The following PRRX1 variants were observed in gnomAD, a reference collection of about 807,000 sequenced individuals.
The protein encoded by PRRX1 is paired mesoderm homeobox protein 1.
PRRX1 carries 8 observed loss-of-function variants against 24.0 expected under a neutral mutation model. That is an observed-to-expected ratio of 0.33 (90% confidence interval 0.20 to 0.60). The LOEUF is 0.60. Among genes scored for constraint, PRRX1 ranks in the 20% least tolerant of loss-of-function variants. PRRX1 has a pLI of 0.82. For missense variants in PRRX1, 281 were observed against 322.4 expected (o/e 0.87, Z 0.98); for synonymous variants, 160 against 131.7 (o/e 1.22, Z -1.47).
chr1:170,704,004 A>C (rs1055539132), intron 1 of PRRX1, among the ~76,000 whole-genome samples: 15 of 152,186 alleles, frequency 9.9e-5, no homozygotes, highest in Non-Finnish European at 1.5e-5. Context: ...CAAAAATAAA[A>C]ATTTTAATTA....
At chr1:170,689,849 T>A (rs1220571019) in intron 1 of PRRX1, among the ~76,000 whole-genome samples, 4 of 146,098 alleles carry the variant, frequency 2.7e-5, no homozygotes, top group African/African-American at 1.1e-4. Flanking sequence ...CCTCTCTCTC[T>A]CTCTCTCTCT....
intron 1 of PRRX1, among the ~76,000 whole-genome samples, chr1:170,693,790 G>T (rs942967022): frequency 2.0e-5 from 3 of 152,014 alleles, no homozygotes; most frequent in African/African-American, 7.2e-5. Context: ...ACACAAGATC[G>T]AGGGACATTT....
chr1:170,706,639 G>C (rs557502981), intron 1 of PRRX1, among the ~76,000 whole-genome samples: 13 of 152,250 alleles, frequency 8.5e-5, no homozygotes, highest in Admixed American at 7.9e-4. Flanking sequence ...TGAAAATGTG[G>C]GAAAGAGTAT....
chr1:170,718,366 T>C (rs1654971264), intron 1 of PRRX1, among the ~76,000 whole-genome samples: 1 of 152,232 alleles, frequency 6.6e-6, no homozygotes, highest in African/African-American at 2.4e-5. Context: ...ATTTTGACTC[T>C]GTACACAAAT....
At chr1:170,719,353 A>G (rs1655009691) in intron 1 of PRRX1, among the ~76,000 whole-genome samples, 1 of 152,244 alleles carries the variant, frequency 6.6e-6, no homozygotes, top group Admixed American at 6.5e-5. Flanking sequence ...ATATTGTCAA[A>G]GACAAATAAG....
intron 1 of PRRX1, among the ~76,000 whole-genome samples, chr1:170,684,941 C>A (rs1281946773): frequency 6.6e-6 from 1 of 152,056 alleles, no homozygotes; most frequent in Non-Finnish European, 1.5e-5. Flanking sequence ...TAGAGTTATG[C>A]CATTGATTAG....
chr1:170,699,655 G>C (rs1304685310), intron 1 of PRRX1, among the ~76,000 whole-genome samples: 2 of 152,150 alleles, frequency 1.3e-5, no homozygotes, highest in Admixed American at 1.3e-4. Context: ...GGCTTGCTTG[G>C]ATGTAAACTG....
chr1:170,698,644 A>G (rs959100135), intron 1 of PRRX1, among the ~76,000 whole-genome samples: 1 of 152,174 alleles, frequency 6.6e-6, no homozygotes, highest in Non-Finnish European at 1.5e-5. Flanking sequence ...TCTATCTAGT[A>G]ATTTCCATTT....
intron 3 of PRRX1, among the ~76,000 whole-genome samples, chr1:170,733,487 C>A (rs1655504929): frequency 6.6e-6 from 1 of 152,142 alleles, no homozygotes; most frequent in Non-Finnish European, 1.5e-5. Flanking sequence ...TGACAATCTA[C>A]AATTTGGGAT....
intron 2 of PRRX1, among the ~76,000 whole-genome samples, chr1:170,720,890 G>T (rs879653399): frequency 1.3e-5 from 2 of 152,116 alleles, no homozygotes; most frequent in Non-Finnish European, 2.9e-5. Flanking sequence ...ATAACAATAC[G>T]TAATACTAAC....
At chr1:170,710,003 T>A (rs1312507392) in intron 1 of PRRX1, among the ~76,000 whole-genome samples, 1 of 152,220 alleles carries the variant, frequency 6.6e-6, no homozygotes, top group Non-Finnish European at 1.5e-5. Context: ...TTCTTCTTTC[T>A]CTAGACTGTG....
intron 1 of PRRX1, among the ~76,000 whole-genome samples, chr1:170,694,157 A>G (rs1382882730): frequency 1.3e-5 from 2 of 152,188 alleles, no homozygotes; most frequent in Non-Finnish European, 1.5e-5. Context: ...TCAGTTTCTC[A>G]CTTGTGTTTT....
chr1:170,717,134 C>G (rs1654930565), intron 1 of PRRX1, among the ~76,000 whole-genome samples: 1 of 152,234 alleles, frequency 6.6e-6, no homozygotes, highest in Admixed American at 6.5e-5. Flanking sequence ...TCAACATGAT[C>G]TGAACTAGTG....
intron 1 of PRRX1, among the ~76,000 whole-genome samples, chr1:170,719,401 G>T (rs1655010686): frequency 6.6e-6 from 1 of 152,176 alleles, no homozygotes; most frequent in African/African-American, 2.4e-5. Context: ...TATCTCTAGA[G>T]AAGTCCAAAG....
chr1:170,717,865 G>C (rs927923009), intron 1 of PRRX1, among the ~76,000 whole-genome samples: 2 of 152,216 alleles, frequency 1.3e-5, no homozygotes, highest in African/African-American at 4.8e-5. Context: ...CTAATAGCTA[G>C]TGGTATAATC....
chr1:170,678,479 A>G lies in PRRX1; in HGVS notation c.241+14020A>G, dbSNP rs75054539. Among the ~76,000 whole-genome samples the G allele has an allele frequency of 2.7e-3, 413 of 152,356 alleles. 1 individual carries two copies. Among genetic ancestry groups the G allele is most frequent in the African/African-American group, 9.4e-3 (390 of 41,582 alleles). The stretch of plus-strand genomic sequence containing the variant: ...TTAACATGTGCCTTATGCAAGAGAG[A>G]AGGGGCAGGTCAGCCCCAACATGCT... On this transcript the variant is annotated intron_variant, in intron 1 of 3. Coordinates refer to ENST00000239461, the MANE Select transcript of PRRX1 (RefSeq NM_022716.4).
chr1:170,691,699 C>T (rs1558050502), intron 1 of PRRX1, among the ~76,000 whole-genome samples: 1 of 151,158 alleles, frequency 6.6e-6, no homozygotes. Context: ...CTCTTTTCAC[C>T]TTTTCTCCCC....
chr1:170,675,282 A>G (rs2101887824), intron 1 of PRRX1, among the ~76,000 whole-genome samples: 1 of 152,254 alleles, frequency 6.6e-6, no homozygotes, highest in South Asian at 2.1e-4. Flanking sequence ...TTGAAATGGG[A>G]AAAGCCTGCG....
At chr1:170,679,538 T>C (rs1034543631) in intron 1 of PRRX1, among the ~76,000 whole-genome samples, 1 of 152,182 alleles carries the variant, frequency 6.6e-6, no homozygotes, top group Admixed American at 6.5e-5. Flanking sequence ...TAGCTGGGAC[T>C]ACAGGTGCCT....
Sources: gnomAD v4.1 joint callset for allele counts (sites outside exome capture counted in the v4.1 genomes callset) on GRCh38, gnomAD v4.1.1 for gene constraint, MANE v1.5 for transcripts, NCBI Gene and HGNC (gene_info 2026-07-23, HGNC 2026-07-21) for gene names.